The following RBFOX1 variants were observed in gnomAD, a reference collection of about 807,000 sequenced individuals.
RBFOX1 encodes the protein RNA binding protein fox-1 homolog 1.
A neutral mutation model predicts 57.7 loss-of-function variants in RBFOX1; 8 were observed. The ratio of observed to expected loss-of-function variants is 0.14; its 90% CI spans 0.08 to 0.25. The LOEUF is 0.25. Among genes scored for constraint, RBFOX1 ranks in the 10% least tolerant of loss-of-function variants. The probability of loss-of-function intolerance (pLI) is 1.00; values close to 1 mark genes in which losing one functional copy is unlikely to be tolerated. For synonymous variants in RBFOX1, 326 were observed against 222.4 expected (o/e 1.47, Z -4.15); for missense variants, 611 against 548.5 (o/e 1.11, Z -1.14).
At chr16:6,692,543 C>T (rs1463619577) in intron 3 of RBFOX1, among the ~76,000 whole-genome samples, 1 of 152,150 alleles carries the variant, frequency 6.6e-6, no homozygotes, top group Non-Finnish European at 1.5e-5. Context: ...CTCTGAATTA[C>T]TTCCACTTAA....
intron 3 of RBFOX1, among the ~76,000 whole-genome samples, chr16:6,724,135 C>G (rs940140511): frequency 6.6e-6 from 1 of 151,826 alleles, no homozygotes; most frequent in Admixed American, 6.6e-5. Context: ...GGGATTAGTG[C>G]CATTATAAAA....
At chr16:5,429,966 C>T (rs995119105) in intron 1 of RBFOX1, among the ~76,000 whole-genome samples, 3 of 152,172 alleles carry the variant, frequency 2.0e-5, no homozygotes, top group African/African-American at 7.2e-5. Context: ...CTTCATTTTG[C>T]TTATCACTGA....
intron 6 of RBFOX1, among the ~76,000 whole-genome samples, chr16:7,585,831 G>A (rs1179592729): frequency 6.6e-6 from 1 of 151,996 alleles, no homozygotes; most frequent in Non-Finnish European, 1.5e-5. Flanking sequence ...TGTGTCTCTG[G>A]ATACTCTATG....
intron 2 of RBFOX1, among the ~76,000 whole-genome samples, chr16:6,344,631 TC>T (rs1220822974): frequency 6.6e-6 from 1 of 150,478 alleles, no homozygotes; most frequent in African/African-American, 2.4e-5. Context: ...TCTCCTGACC[TC>T]GTGATTTGCC....
intron 4 of RBFOX1, among the ~76,000 whole-genome samples, chr16:7,455,712 A>G (rs2058359394): frequency 6.8e-6 from 1 of 146,430 alleles, no homozygotes; most frequent in Admixed American, 7.1e-5. Flanking sequence ...GCTTGACCTC[A>G]GGAGGTAGAG....
At chr16:6,935,608 A>G (rs1277438287) in intron 3 of RBFOX1, among the ~76,000 whole-genome samples, 2 of 152,192 alleles carry the variant, frequency 1.3e-5, no homozygotes, top group Non-Finnish European at 1.5e-5. Context: ...CCCATTGTGC[A>G]TGTACACACA....
chr16:6,773,269 G>C (rs2078714123), intron 3 of RBFOX1, among the ~76,000 whole-genome samples: 1 of 146,204 alleles, frequency 6.8e-6, no homozygotes, highest in Non-Finnish European at 1.5e-5. Flanking sequence ...GTGCATTTGT[G>C]TGTGTGTAAG....
chr16:6,069,750 G>C (rs2095812706), intron 1 of RBFOX1, among the ~76,000 whole-genome samples: 1 of 152,156 alleles, frequency 6.6e-6, no homozygotes, highest in Non-Finnish European at 1.5e-5. Context: ...ACTTTGGGAG[G>C]CTGAGGTGGG....
chr16:7,292,394 T>C (rs977024762), intron 4 of RBFOX1, among the ~76,000 whole-genome samples: 6 of 141,688 alleles, frequency 4.2e-5, no homozygotes, highest in Non-Finnish European at 7.5e-5. Flanking sequence ...ACATGATATA[T>C]AATATGTAAT....
intron 5 of RBFOX1, among the ~76,000 whole-genome samples, chr16:7,559,654 G>C (rs996524852): frequency 6.6e-6 from 1 of 152,096 alleles, no homozygotes; most frequent in Non-Finnish European, 1.5e-5. Context: ...GGATATGGAG[G>C]GTAATTAAGA....
At chr16:6,187,566 T>C (rs762849086) in intron 1 of RBFOX1, among the ~76,000 whole-genome samples, 7 of 152,126 alleles carry the variant, frequency 4.6e-5, no homozygotes, top group Non-Finnish European at 8.8e-5. Flanking sequence ...GGAAAACAGA[T>C]TGGAGAAGAC....
chr16:7,255,300 T>C (rs1219158494), intron 4 of RBFOX1, among the ~76,000 whole-genome samples: 1 of 152,234 alleles, frequency 6.6e-6, no homozygotes, highest in Non-Finnish European at 1.5e-5. Context: ...TCTATCACAC[T>C]GCTGTGGAAA....
chr16:7,064,213 G>C (rs916874572), intron 4 of RBFOX1, among the ~76,000 whole-genome samples: 3 of 139,980 alleles, frequency 2.1e-5, no homozygotes, highest in African/African-American at 5.4e-5. Flanking sequence ...ATGTGGCCTA[G>C]GCTGGAGTGC....
chr16:6,019,138 C>G lies in RBFOX1; in HGVS notation c.-981C>G, dbSNP rs1185729591. On this transcript the variant is annotated 5_prime_UTR_variant, in exon 1 of 16. Transcript: ENST00000550418. This position sits in a 1 kb window ranked among gnomAD's most constrained non-coding sequence, Gnocchi z 4.2. ...ACATTTTCTCGCGCTCTCTCCGGCT[C>G]TCCTTTGTTTATTTTCTAATCTATA... 2.0e-6 allele frequency: 2 copies of G among 985,074 alleles called. No individual in the cohort carries two copies. Among genetic ancestry groups the G allele is most frequent in the Non-Finnish European group, 2.4e-6 (2 of 829,948 alleles). The allele number at this position is 985,074 out of a possible 1,614,324, so 61.0% of individuals were successfully genotyped here.
intron 1 of RBFOX1, among the ~76,000 whole-genome samples, chr16:6,204,070 CTT>C (rs1039897307): frequency 1.9e-4 from 27 of 140,166 alleles, no homozygotes; most frequent in African/African-American, 6.9e-4. Flanking sequence ...TTCTTTGTTT[CTT>C]TTCATCTCTA....
chr16:6,360,205 A>C (rs2088183959), intron 2 of RBFOX1, among the ~76,000 whole-genome samples: 2 of 152,060 alleles, frequency 1.3e-5, no homozygotes, highest in Admixed American at 1.3e-4. Flanking sequence ...GCAGGAAATG[A>C]ATTTCTTATA....
intron 3 of RBFOX1, among the ~76,000 whole-genome samples, chr16:6,875,493 G>C (rs183249630): frequency 4.1e-4 from 62 of 152,250 alleles, no homozygotes; most frequent in African/African-American, 1.4e-3. Context: ...TCACCCTTAA[G>C]TGCAGTATAC....
At chr16:7,270,391 C>G (rs891284270) in intron 4 of RBFOX1, among the ~76,000 whole-genome samples, 1 of 152,068 alleles carries the variant, frequency 6.6e-6, no homozygotes, top group South Asian at 2.1e-4. Context: ...AGAAGTTTAA[C>G]GCAAGTAAAA....
chr16:6,457,492 A>G (rs942323621), intron 2 of RBFOX1, among the ~76,000 whole-genome samples: 2 of 145,488 alleles, frequency 1.4e-5, no homozygotes, highest in Non-Finnish European at 3.0e-5. Flanking sequence ...GCCTTCCATG[A>G]TACACTGTGA....
Sources: gnomAD v4.1 joint callset for allele counts (sites outside exome capture counted in the v4.1 genomes callset) on GRCh38, gnomAD v4.1.1 for gene constraint, Gnocchi (gnomAD v3.1) non-coding constraint, MANE v1.5 for transcripts, NCBI Gene and HGNC (gene_info 2026-07-23, HGNC 2026-07-21) for gene names.